CDH19: variants seen among roughly 807,000 people sequenced by gnomAD.
The protein encoded by CDH19 is cadherin 19.
In CDH19, 67 loss-of-function variants were observed where a neutral mutation model predicts 64.2. The observed-to-expected ratio is 1.04, with a 90% confidence interval of 0.86 to 1.28. CDH19 has a LOEUF of 1.28. CDH19 is among the 50% of genes most tolerant of loss of function. The pLI is 0.00. For synonymous variants in CDH19, 346 were observed against 319.3 expected, an observed-to-expected ratio of 1.08 and a Z score of -0.89; for missense variants, 1,030 against 929.0, an observed-to-expected ratio of 1.11 and a Z score of -1.41.
At chr18:66,556,161 A>G (rs951468475) in intron 3 of CDH19, among the ~76,000 whole-genome samples, 5 of 151,494 alleles carry the variant, frequency 3.3e-5, no homozygotes, top group African/African-American at 1.2e-4. Flanking sequence ...AATAAATTTT[A>G]TTATATATAT....
intron 3 of CDH19, among the ~76,000 whole-genome samples, chr18:66,564,412 T>C (rs1025074278): frequency 1.3e-5 from 2 of 151,758 alleles, no homozygotes; most frequent in Non-Finnish European, 2.9e-5. Context: ...TAAAAGGAAA[T>C]GGTTATTGCA....
chr18:66,582,169 A>G (rs1988442132), intron 1 of CDH19, among the ~76,000 whole-genome samples: 1 of 152,138 alleles, frequency 6.6e-6, no homozygotes, highest in Admixed American at 6.6e-5. Flanking sequence ...AAATGACAAA[A>G]TATATGTTTT....
In CDH19 at chr18:66,544,239, A is replaced by G. The variant is rs759565177; in HGVS notation, c.961-15T>C. The G allele has an allele frequency of 1.8e-4, 293 of 1,601,396 alleles. 1 individual carries two copies. Among genetic ancestry groups the G allele is most frequent in the Non-Finnish European group, 2.4e-4 (285 of 1,174,480 alleles). On this transcript the variant is annotated splice_polypyrimidine_tract_variant and intron_variant, in intron 6 of 11. Transcript: ENST00000262150. ...AAATCCACTTTCTGCAAAGAAACAC[A>G]GTATACACAAAAGAAATGGCTTTAG...
Position 66,529,898 on chromosome 18 carries a change from CA to C in CDH19, c.1404del (p.Glu469SerfsTer19), listed in dbSNP as rs749979880. Reference sequence around the variant, plus strand: ...TAAGTCTCATAGTATTGAGAGAACTCAGGAGCATGATCATTGATGTTAAGAA... The same window carrying C: ...TAAGTCTCATAGTATTGAGAGAACTCGGAGCATGATCATTGATGTTAAGAA... ...VQVLNINDHAPEFSQYYETYV... is the reference protein window; with the variant it reads ...VQVLNINDHAXEFSQYYETYV... On this transcript the variant is annotated frameshift_variant, in exon 9 of 12. Transcript: ENST00000262150. LOFTEE classifies it high-confidence loss of function. 5.0e-5 allele frequency: 80 copies of C among 1,592,684 alleles called. No individual in the cohort carries two copies. In the South Asian group the frequency reaches 7.9e-4, roughly 16 times the overall value.
At chr18:66,587,552 C>T (rs545923272) in intron 1 of CDH19, among the ~76,000 whole-genome samples, 171 of 152,242 alleles carry the variant, frequency 1.1e-3, no homozygotes, top group Non-Finnish European at 1.7e-3. Flanking sequence ...ACCAATATGT[C>T]TCTTGCAATT....
chr18:66,506,542 C>G (rs1985207527), intron 11 of CDH19, among the ~76,000 whole-genome samples: 1 of 151,966 alleles, frequency 6.6e-6, no homozygotes, highest in African/African-American at 2.4e-5. Context: ...AAATTTCAAA[C>G]TATCATGCAT....
intron 7 of CDH19, among the ~76,000 whole-genome samples, chr18:66,538,814 T>C (rs764214812): frequency 6.6e-5 from 10 of 152,120 alleles, no homozygotes; most frequent in Non-Finnish European, 1.0e-4. Flanking sequence ...CTTCCACTTG[T>C]AGACGCATCG....
chr18:66,594,899 A>C (rs1444122139), intron 1 of CDH19, among the ~76,000 whole-genome samples: 1 of 150,606 alleles, frequency 6.6e-6, no homozygotes, highest in Non-Finnish European at 1.5e-5. Flanking sequence ...AGATATACCT[A>C]ATGCTAGATA....
At chr18:66,543,755 T>C (rs1204223417) in intron 7 of CDH19, among the ~76,000 whole-genome samples, 1 of 151,952 alleles carries the variant, frequency 6.6e-6, no homozygotes, top group African/African-American at 2.4e-5. Flanking sequence ...TGGTGGCGCA[T>C]GCCTATAGTC....
chr18:66,512,095 CA>C (rs1043072126), intron 9 of CDH19, among the ~76,000 whole-genome samples: 4 of 151,456 alleles, frequency 2.6e-5, no homozygotes, highest in Non-Finnish European at 5.9e-5. Flanking sequence ...TTACTGAGAG[CA>C]AAACTGTGGT....
intron 1 of CDH19, among the ~76,000 whole-genome samples, chr18:66,597,864 G>A (rs1568216185): frequency 1.3e-5 from 2 of 152,024 alleles, no homozygotes; most frequent in Non-Finnish European, 2.9e-5. Context: ...GACACAAGAA[G>A]GGGAACATCA....
At chr18:66,547,878 G>A (rs909281570) in intron 5 of CDH19, among the ~76,000 whole-genome samples, 46 of 142,386 alleles carry the variant, frequency 3.2e-4, no homozygotes, top group Non-Finnish European at 4.8e-4. Context: ...CGTTTTAGCC[G>A]GGATGGTCTC....
intron 5 of CDH19, among the ~76,000 whole-genome samples, chr18:66,547,789 TC>T (rs1188943819): frequency 3.0e-5 from 4 of 134,364 alleles, no homozygotes; most frequent in African/African-American, 1.1e-4. Flanking sequence ...TGCCTCAGCC[TC>T]CCAAGTAGCT....
At chr18:66,545,771 G>C (rs1314057241) in intron 5 of CDH19, among the ~76,000 whole-genome samples, 1 of 152,064 alleles carries the variant, frequency 6.6e-6, no homozygotes, top group African/African-American at 2.4e-5. Context: ...TTGAGGGTCT[G>C]AGCCTGCATT....
At chr18:66,556,757 T>C (rs1987535138) in intron 3 of CDH19, among the ~76,000 whole-genome samples, 2 of 151,942 alleles carry the variant, frequency 1.3e-5, no homozygotes, top group Admixed American at 6.6e-5. Context: ...AGAACCTGAA[T>C]AGATATTTCT....
At chr18:66,564,979 C>T (rs1987856440) in intron 3 of CDH19, among the ~76,000 whole-genome samples, 1 of 151,560 alleles carries the variant, frequency 6.6e-6, no homozygotes, top group Non-Finnish European at 1.5e-5. Context: ...GAATGATTTC[C>T]ATGAATTTCA....
intron 7 of CDH19, among the ~76,000 whole-genome samples, chr18:66,542,263 A>C (rs1986916503): frequency 6.6e-6 from 1 of 152,162 alleles, no homozygotes; most frequent in South Asian, 2.1e-4. Context: ...ATGAACTGGA[A>C]CTATAATGGA....
At chr18:66,580,312 G>A (rs1444950602) in intron 1 of CDH19, among the ~76,000 whole-genome samples, 2 of 151,910 alleles carry the variant, frequency 1.3e-5, no homozygotes, top group Non-Finnish European at 2.9e-5. Context: ...TATACCTAGA[G>A]AAATATTCAA....
At chr18:66,594,229 A>G (rs1385038378) in intron 1 of CDH19, among the ~76,000 whole-genome samples, 2 of 152,124 alleles carry the variant, frequency 1.3e-5, no homozygotes, top group East Asian at 1.9e-4. Context: ...CTAAATATAT[A>G]TGCACCCAAC....
Sources: allele counts gnomAD v4.1 joint callset (sites outside exome capture counted in the v4.1 genomes callset), GRCh38; gene constraint gnomAD v4.1.1; transcripts MANE v1.5; gene names NCBI Gene and HGNC (gene_info 2026-07-23, HGNC 2026-07-21).